Variants in TLN2 observed in about 807,000 individuals in gnomAD.
TLN2 encodes talin 2, also known as talin-2.
TLN2 carries 118 observed loss-of-function variants against 294.7 expected under a neutral mutation model. The observed-to-expected ratio is 0.40, with a 90% confidence interval of 0.34 to 0.47. TLN2 has a LOEUF of 0.47. Ranked by LOEUF, TLN2 falls within the 20% of genes least tolerant of loss-of-function variation. TLN2 has a pLI of 0.84. For missense variants in TLN2, 3,083 were observed against 3,282.2 expected (o/e 0.94, Z 1.48); for synonymous variants, 1,431 against 1,304.5 (o/e 1.10, Z -2.09).
Position 62,480,252 on chromosome 15 carries a change from C to T in TLN2, c.-238+89567C>T, listed in dbSNP as rs1485707218. On this transcript the variant is annotated intron_variant, in intron 1 of 58. Coordinates refer to ENST00000636159, the MANE Select transcript of TLN2 (RefSeq NM_015059.3). ...ATTTTGAGACAGAGTCTCACTCTGTCGCCCAGGCTGGAGTGCAGCGGCGCG... is the reference window on the plus strand; with the variant it reads ...ATTTTGAGACAGAGTCTCACTCTGTTGCCCAGGCTGGAGTGCAGCGGCGCG... 3.9e-5 allele frequency among the ~76,000 whole-genome samples: 6 copies of T among 152,178 alleles called. No individual in the cohort carries two copies. The East Asian group carries it at 9.6e-4, about 24-fold the overall frequency.
intron 1 of TLN2, among the ~76,000 whole-genome samples, chr15:62,423,401 CAAAA>C: frequency 6.6e-6 from 1 of 152,148 alleles, no homozygotes; most frequent in South Asian, 2.1e-4. Flanking sequence ...ACAACAACAA[CAAAA>C]AGTCACTGGG....
chr15:62,710,381 A>G (rs1239824155), intron 21 of TLN2, among the ~76,000 whole-genome samples: 1 of 152,216 alleles, frequency 6.6e-6, no homozygotes, highest in Non-Finnish European at 1.5e-5. Context: ...GCATAGAACA[A>G]TACCTTATAA....
At chr15:62,834,679 T>A (rs1164940871) in intron 55 of TLN2, 1 of 152,176 alleles carries the variant, frequency 6.6e-6, no homozygotes, top group African/African-American at 2.4e-5. Context: ...TTCCCGTTGA[T>A]CCCCTGTAGA....
At chr15:62,602,996 C>T (rs2047129079) in intron 2 of TLN2, among the ~76,000 whole-genome samples, 1 of 151,864 alleles carries the variant, frequency 6.6e-6, no homozygotes, top group East Asian at 1.9e-4. Flanking sequence ...AGGTTCATGC[C>T]ATTCTCCTGC....
chr15:62,836,040 C>T lies in TLN2; in HGVS notation c.7341C>T (p.Ala2447=), dbSNP rs772880208. 54 of 1,612,034 alleles carry T rather than the reference C, an allele frequency of 3.3e-5. No individual in the cohort carries two copies. The highest frequency in any genetic ancestry group is 1.6e-4 in the Middle Eastern group (1 of 6,082). ...AQLLVACKVK[A]DQDSEAMRRL... is the part of the protein sequence containing the mutation. ...TGCTGGTGGCCTGCAAGGTGAAGGC[C>T]GACCAGGATTCAGAGGCCATGAGGC... The change falls in exon 57 of 59, where the codon GCC becomes GCT. Residue 2447 remains alanine (A), a synonymous_variant. Coordinates refer to ENST00000636159, the MANE Select transcript of TLN2 (RefSeq NM_015059.3).
In TLN2 at chr15:62,743,349, C is replaced by T. The variant is rs1004199730; in HGVS notation, c.4025+2580C>T. 7.2e-5 allele frequency among the ~76,000 whole-genome samples: 11 copies of T among 152,074 alleles called. No homozygotes were observed. In the East Asian group the frequency reaches 1.7e-3, roughly 24 times the overall value. On this transcript the variant is annotated intron_variant, in intron 32 of 58. Coordinates refer to ENST00000636159, the MANE Select transcript of TLN2 (RefSeq NM_015059.3). ...CCACTCCTGTGTTAACAGTCTCAAA[C>T]CCCTTATTATTTGTGGTCTCTGTGG...
intron 2 of TLN2, among the ~76,000 whole-genome samples, chr15:62,591,713 G>A (rs868374806): frequency 9.2e-5 from 14 of 152,218 alleles, no homozygotes; most frequent in African/African-American, 3.1e-4. Flanking sequence ...GGGTGAGGCG[G>A]GTAGAATACT....
chr15:62,716,562 A>G (rs1390998360), intron 23 of TLN2, 103 bp downstream of exon 23: 1 of 1,403,608 alleles, frequency 7.1e-7, no homozygotes, highest in Non-Finnish European at 9.4e-7. Flanking sequence ...AAAGAAAGCC[A>G]AGTCAAGGTT....
At chr15:62,625,924 G>T (rs554912932) in intron 3 of TLN2, among the ~76,000 whole-genome samples, 1 of 152,122 alleles carries the variant, frequency 6.6e-6, no homozygotes, top group African/African-American at 2.4e-5. Context: ...AGGGGGACTG[G>T]GGATGTCTAG....
intron 2 of TLN2, among the ~76,000 whole-genome samples, chr15:62,602,233 T>G (rs1567174245): frequency 6.6e-6 from 1 of 152,202 alleles, no homozygotes; most frequent in Non-Finnish European, 1.5e-5. Flanking sequence ...TTTCATCAAT[T>G]ATATACTCTG....
At position 62,676,167 on chromosome 15, in the gene TLN2, A is replaced by G. The variant is rs1034201434; in HGVS notation, c.957+846A>G. Among the ~76,000 whole-genome samples, 3 of 152,330 alleles carry G rather than the reference A, an allele frequency of 2.0e-5. No individual in the cohort carries two copies. The Middle Eastern group carries it at 0.01, about 518-fold the overall frequency. ...AAGAAGGTGTCTTTCCCCACAGCCA[A>G]AGAGAACTGCAAAAGAAGAAGTTAC... On this transcript the variant is annotated intron_variant, in intron 11 of 58. Transcript: ENST00000636159.
chr15:62,572,588 T>C (rs2043977289), intron 1 of TLN2, among the ~76,000 whole-genome samples: 1 of 152,236 alleles, frequency 6.6e-6, no homozygotes, highest in Non-Finnish European at 1.5e-5. Flanking sequence ...CAAACTTTTC[T>C]ATGCCAGTAT....
chr15:62,798,957 C>T (rs1381101573), intron 48 of TLN2, among the ~76,000 whole-genome samples: 2 of 152,204 alleles, frequency 1.3e-5, no homozygotes, highest in Non-Finnish European at 2.9e-5. Flanking sequence ...GAGGCTGAAG[C>T]AGGAGAATCA....
At chr15:62,461,202 C>G (rs1226778077) in intron 1 of TLN2, among the ~76,000 whole-genome samples, 1 of 152,154 alleles carries the variant, frequency 6.6e-6, no homozygotes, top group Non-Finnish European at 1.5e-5. Context: ...CGTCGGCCTC[C>G]CAAAATGCTG....
chr15:62,663,870 A>G (rs562484848), intron 9 of TLN2, among the ~76,000 whole-genome samples: 1 of 152,028 alleles, frequency 6.6e-6, no homozygotes, highest in African/African-American at 2.4e-5. Context: ...ATTCAGTTCA[A>G]TTCCAGTCAC....
intron 48 of TLN2, among the ~76,000 whole-genome samples, chr15:62,797,902 A>G (rs1026286344): frequency 2.0e-5 from 3 of 152,168 alleles, no homozygotes; most frequent in African/African-American, 7.2e-5. Context: ...CACGAGAGGA[A>G]AAGCCAGGGA....
chr15:62,710,164 T>C (rs1051353689), intron 21 of TLN2, among the ~76,000 whole-genome samples: 1 of 152,242 alleles, frequency 6.6e-6, no homozygotes, highest in Non-Finnish European at 1.5e-5. Flanking sequence ...GTTAGTTCAT[T>C]TTGCTTTTAC....
intron 34 of TLN2, among the ~76,000 whole-genome samples, chr15:62,751,536 T>C (rs947916515): frequency 2.0e-5 from 3 of 152,252 alleles, no homozygotes; most frequent in Admixed American, 1.3e-4. Context: ...AGATGGCTTA[T>C]TGACAAATAG....
intron 30 of TLN2, among the ~76,000 whole-genome samples, chr15:62,738,793 G>T (rs1340476018): frequency 1.3e-5 from 2 of 152,120 alleles, no homozygotes; most frequent in Admixed American, 6.5e-5. Context: ...CAGGTATAGA[G>T]GCAATGTTTG....
Sources: gnomAD v4.1 joint callset for allele counts (sites outside exome capture counted in the v4.1 genomes callset) on GRCh38, gnomAD v4.1.1 for gene constraint, MANE v1.5 for transcripts, NCBI Gene and HGNC (gene_info 2026-07-23, HGNC 2026-07-21) for gene names.